The following ANKRD28 variants were observed in gnomAD, a reference collection of about 807,000 sequenced individuals.
ANKRD28 encodes ankyrin repeat domain 28, also known as serine/threonine-protein phosphatase 6 regulatory ankyrin repeat subunit A.
In ANKRD28, 44 loss-of-function variants were observed where a neutral mutation model predicts 126.5. That is an observed-to-expected ratio of 0.35 (90% CI 0.27 to 0.45). The LOEUF is 0.45. ANKRD28 is among the 20% of genes least tolerant of loss of function. ANKRD28 has a pLI of 1.00. For missense variants in ANKRD28, 1,110 were observed against 1,316.6 expected (o/e 0.84, Z 2.43); for synonymous variants, 442 against 468.5 (o/e 0.94, Z 0.73).
intron 1 of ANKRD28, among the ~76,000 whole-genome samples, chr3:15,848,913 C>T (rs1459440896): frequency 6.6e-6 from 1 of 152,010 alleles, no homozygotes; most frequent in African/African-American, 2.4e-5. Context: ...AAGAAAAAAG[C>T]AAAATTATCT....
chr3:15,677,669 C>T (rs1477641761), intron 24 of ANKRD28, 107 bp from the exon 25 acceptor site: 2 of 694,908 alleles, frequency 2.9e-6, no homozygotes, highest in East Asian at 2.8e-5. Flanking sequence ...GTCCCTCTCA[C>T]AAAAACTTAA....
At chr3:15,724,654 T>C (rs761983490) in intron 6 of ANKRD28, 130 bp from the exon 7 acceptor site, 11 of 875,556 alleles carry the variant, frequency 1.3e-5, no homozygotes, top group Admixed American at 8.6e-5. Context: ...CAATGAATCA[T>C]GTTAACTTGA....
Position 15,737,029 on chromosome 3 carries a change from C to A in ANKRD28, c.552+4G>T. On this transcript the variant is annotated splice_donor_region_variant and intron_variant, in intron 5 of 27. Transcript: ENST00000683139. ...AAATAATGGTCTAATTGAATGCCAC[C>A]TACCTCACCATGTCCACTGAAAGCT... The A allele has an allele frequency of 6.2e-7, 1 of 1,613,770 alleles. No individual in the cohort carries two copies.
At chr3:15,727,557 ACT>A (rs1228877109) in intron 6 of ANKRD28, among the ~76,000 whole-genome samples, 2 of 113,902 alleles carry the variant, frequency 1.8e-5, no homozygotes, top group East Asian at 5.7e-4. Context: ...ACAAAGCGAA[ACT>A]CTGTCAAAAA....
rs779806351 is a variant in ANKRD28 at position 15,721,109 on chromosome 3, A to T, written c.802T>A (p.Tyr268Asn). Residue 268 changes from tyrosine (Y) to asparagine (N), a missense_variant, in exon 8 of 28, where the codon TAT (tyrosine) becomes AAT (asparagine). Physicochemically the swap from Tyr to Asn is moderately radical, Grantham distance 143 (BLOSUM62 -2). Coordinates refer to ENST00000683139, the MANE Select transcript of ANKRD28 (RefSeq NM_001349278.2). The part of the protein sequence containing the change: ...LGVDMNEPNA[Y>N]GNTPLHVACY... Reference sequence around the variant, plus strand: ...GCTACATGAAGAGGTGTATTTCCATAGGCATTTGGTTCATTCATCTATTAG... The same window carrying T: ...GCTACATGAAGAGGTGTATTTCCATTGGCATTTGGTTCATTCATCTATTAG... 7 of 1,611,852 alleles carry T rather than the reference A, an allele frequency of 4.3e-6. No homozygotes were observed. Among genetic ancestry groups the T allele is most frequent in the Admixed American group, 1.7e-5 (1 of 59,574 alleles).
chr3:15,780,516 T>C (rs1419262271), intron 2 of ANKRD28, among the ~76,000 whole-genome samples: 1 of 152,122 alleles, frequency 6.6e-6, no homozygotes, highest in Non-Finnish European at 1.5e-5. Flanking sequence ...ACAAATTCAG[T>C]GCAATCCCTA....
chr3:15,768,679 C>T (rs561164395), intron 2 of ANKRD28, among the ~76,000 whole-genome samples: 5 of 151,292 alleles, frequency 3.3e-5, no homozygotes, highest in Admixed American at 3.3e-4. Flanking sequence ...GGCAGGGGGG[C>T]AAATGTGTGT....
intron 2 of ANKRD28, among the ~76,000 whole-genome samples, chr3:15,777,667 T>A (rs2059343673): frequency 6.6e-6 from 1 of 152,138 alleles, no homozygotes; most frequent in South Asian, 2.1e-4. Flanking sequence ...TTCTTTTCAA[T>A]AAACTTGAAA....
chr3:15,765,026 T>C (rs1652649290), intron 3 of ANKRD28, among the ~76,000 whole-genome samples: 1 of 152,228 alleles, frequency 6.6e-6, no homozygotes, highest in Admixed American at 6.5e-5. Flanking sequence ...TTTCTCCCTC[T>C]GAGCCCTCCT....
rs747339688 is a variant in ANKRD28, at chr3:15,720,998, G to A, written c.913C>T (p.Pro305Ser). 6.8e-6 allele frequency: 11 copies of A among 1,613,884 alleles called. No homozygotes were observed. In the South Asian group the frequency reaches 9.9e-5, roughly 14 times the overall value. Residue 305 changes from proline to serine, a missense_variant, in exon 8 of 28, where the codon CCT (proline) becomes TCT (serine). Coordinates refer to ENST00000683139, the MANE Select transcript of ANKRD28 (RefSeq NM_001349278.2). ...VNQKNEKGFT[P>S]LHFAAASTHG... The stretch of plus-strand genomic sequence containing the variant: ...GTTGATGCAGCAGCAAAGTGCAAAG[G>A]AGTAAATCCTTTTTCATTCTTTTGA...
At position 15,670,228 on chromosome 3, in the gene ANKRD28, A is replaced by G; in HGVS notation, c.*42T>C. On this transcript the variant is annotated 3_prime_UTR_variant, in exon 28 of 28. Transcript: ENST00000683139. ...AAGTGCCTTTTTCCTGAAAAAGCAC[A>G]GTTTGAAGCTTTACTGTGAGAACTC... The G allele has an allele frequency of 6.3e-7, 1 of 1,581,112 alleles. No individual in the cohort carries two copies. Among genetic ancestry groups the G allele is most frequent in the Non-Finnish European group, 8.6e-7 (1 of 1,160,562 alleles).
intron 26 of ANKRD28, 70 bp downstream of exon 26, chr3:15,676,904 T>A: frequency 2.2e-6 from 3 of 1,343,326 alleles, no homozygotes; most frequent in East Asian, 2.3e-5. Context: ...GTCACATGTT[T>A]AAAAAAATCC....
intron 2 of ANKRD28, among the ~76,000 whole-genome samples, chr3:15,778,688 C>A (rs1689673125): frequency 6.6e-6 from 1 of 152,170 alleles, no homozygotes. Context: ...TTAGGGCACA[C>A]CCATCTAGAT....
chr3:15,719,224 T>C (rs936493352), intron 8 of ANKRD28, among the ~76,000 whole-genome samples: 3 of 152,182 alleles, frequency 2.0e-5, no homozygotes, highest in African/African-American at 7.2e-5. Context: ...ACAGATGGAT[T>C]TGTTGCTGTT....
intron 7 of ANKRD28, among the ~76,000 whole-genome samples, chr3:15,721,708 T>C (rs1049175781): frequency 6.6e-6 from 1 of 152,200 alleles, no homozygotes; most frequent in South Asian, 2.1e-4. Flanking sequence ...AAAAAGAGTA[T>C]GCTCAAAAAT....
intron 2 of ANKRD28, among the ~76,000 whole-genome samples, chr3:15,786,500 G>A (rs889113066): frequency 1.5e-4 from 23 of 152,062 alleles, no homozygotes; most frequent in Non-Finnish European, 2.8e-4. Context: ...AGGGGCAAAT[G>A]GAGTCCTTTG....
At position 15,686,105 on chromosome 3, in the gene ANKRD28, A is replaced by G; in HGVS notation, c.2066T>C (p.Leu689Pro). 1.2e-6 allele frequency: 2 copies of G among 1,613,282 alleles called. No individual in the cohort carries two copies. Among genetic ancestry groups the G allele is most frequent in the Non-Finnish European group, 8.5e-7 (1 of 1,179,610 alleles). ...QDGNGQTPLM[L>P]SVLNGHTDCV... ...GTCTGTGTGCCCGTTGAGAACAGAT[A>G]GCATCAGAGGCGTCCTGAGCAACAA... The change falls in exon 20 of 28, where the codon CTA becomes CCA. Residue 689 changes from leucine (L) to proline (P), a missense_variant. Transcript: ENST00000683139.
At chr3:15,778,905 T>A (rs1250470778) in intron 2 of ANKRD28, among the ~76,000 whole-genome samples, 1 of 152,108 alleles carries the variant, frequency 6.6e-6, no homozygotes, top group Non-Finnish European at 1.5e-5. Context: ...AATAAGTGAG[T>A]CTCAGGAGAT....
intron 1 of ANKRD28, among the ~76,000 whole-genome samples, chr3:15,811,648 T>A (rs1575751652): frequency 1.3e-5 from 2 of 151,680 alleles, no homozygotes; most frequent in South Asian, 4.2e-4. Context: ...AGAGACGGGG[T>A]TTCACCATGT....
Sources: gnomAD v4.1 joint callset for allele counts (sites outside exome capture counted in the v4.1 genomes callset) on GRCh38, gnomAD v4.1.1 for gene constraint, MANE v1.5 for transcripts, NCBI Gene and HGNC (gene_info 2026-07-23, HGNC 2026-07-21) for gene names.